SLC23A2: variants seen among roughly 807,000 people sequenced by gnomAD.
SLC23A2 encodes the protein Na(+)/L-ascorbic acid transporter 2.
SLC23A2 carries 36 observed loss-of-function variants against 73.3 expected under a neutral mutation model. That is an observed-to-expected ratio of 0.49 (90% confidence interval 0.38 to 0.65). The LOEUF is 0.65. SLC23A2 is among the 30% of genes least tolerant of loss of function. The pLI, the probability that SLC23A2 is intolerant of heterozygous loss-of-function variation, is 0.00. For missense variants in SLC23A2, 507 were observed against 841.6 expected (o/e 0.60, Z 4.92); for synonymous variants, 343 against 327.3 (o/e 1.05, Z -0.52).
chr20:5,005,517 G>A (rs2088181054), upstream of SLC23A2, among the ~76,000 whole-genome samples: 1 of 152,008 alleles, frequency 6.6e-6, no homozygotes, highest in Non-Finnish European at 1.5e-5. Context: ...ATTTTTGAGA[G>A]GTAATTGTAG....
At chr20:4,897,960 C>T (rs1247432649) in intron 6 of SLC23A2, among the ~76,000 whole-genome samples, 6 of 152,204 alleles carry the variant, frequency 3.9e-5, no homozygotes, top group Non-Finnish European at 5.9e-5. Context: ...GAACATCTCC[C>T]CAGAGAACCA....
At chr20:4,861,320 C>T (rs1355202978) in intron 15 of SLC23A2, among the ~76,000 whole-genome samples, 1 of 152,120 alleles carries the variant, frequency 6.6e-6, no homozygotes, top group Non-Finnish European at 1.5e-5. Flanking sequence ...CAACACTGTA[C>T]TAGATGCCAT....
chr20:4,895,029 T>C (rs1262663445), intron 6 of SLC23A2, among the ~76,000 whole-genome samples: 3 of 152,068 alleles, frequency 2.0e-5, no homozygotes, highest in African/African-American at 7.2e-5. Context: ...ACCCACAACA[T>C]CCAGCGTGAC....
chr20:4,919,662 T>C (rs190365879), intron 3 of SLC23A2, among the ~76,000 whole-genome samples: 5 of 152,286 alleles, frequency 3.3e-5, no homozygotes, highest in Non-Finnish European at 7.4e-5. Flanking sequence ...ACATCTTCCC[T>C]GCTAGGTGAG....
rs1426836018 is a variant in SLC23A2, at chr20:4,947,477, T to C, written c.-154-14761A>G. Among the ~76,000 whole-genome samples, 3 of 152,206 alleles carry C rather than the reference T, an allele frequency of 2.0e-5. No homozygotes were observed. The highest frequency in any genetic ancestry group is 2.9e-5 in the Non-Finnish European group (2 of 68,044). On this transcript the variant is annotated intron_variant, in intron 2 of 16. Transcript: ENST00000338244. This position sits in a 1 kb window ranked among gnomAD's most constrained non-coding sequence, Gnocchi z 4.4. ...AACACTATTTAAAATGTATTAATCATCAGTCATCACAGGAGCCACTGAAAA... is the reference window on the plus strand; with the variant it reads ...AACACTATTTAAAATGTATTAATCACCAGTCATCACAGGAGCCACTGAAAA...
intron 2 of SLC23A2, among the ~76,000 whole-genome samples, chr20:4,955,909 G>A (rs887957035): frequency 6.6e-6 from 1 of 151,018 alleles, no homozygotes; most frequent in Admixed American, 6.6e-5. Flanking sequence ...TAGGGGTTAC[G>A]GGTGTTTCTT....
At chr20:4,983,363 C>G (rs375751230) in intron 1 of SLC23A2, among the ~76,000 whole-genome samples, 2 of 151,832 alleles carry the variant, frequency 1.3e-5, no homozygotes, top group Admixed American at 6.6e-5. Flanking sequence ...AAGACACAAG[C>G]AGGCTGGGCG....
chr20:5,006,757 TCTC>T (rs1390639713), intron 1 of SLC23A2, among the ~76,000 whole-genome samples: 18 of 151,906 alleles, frequency 1.2e-4, no homozygotes, highest in African/African-American at 4.1e-4. Context: ...GCCAGGCTGG[TCTC>T]AAACTCCTGG....
chr20:4,947,058 C>T lies in SLC23A2; in HGVS notation c.-154-14342G>A, dbSNP rs948213854. Among the ~76,000 whole-genome samples, 25 of 152,182 alleles carry T rather than the reference C, an allele frequency of 1.6e-4. No homozygotes were observed. Among genetic ancestry groups the T allele is most frequent in the African/African-American group, 6.0e-4 (25 of 41,436 alleles). On this transcript the variant is annotated intron_variant, in intron 2 of 16. Coordinates refer to ENST00000338244, the MANE Select transcript of SLC23A2 (RefSeq NM_005116.6). The surrounding 1 kb of genome is among the most constrained non-coding windows in gnomAD (Gnocchi z 4.4). ...TGCCAGGTGCTGCCCACACTGCCCA[C>T]GCTGACCTCCAGAGTTCCCAGGTCT...
intron 3 of SLC23A2, among the ~76,000 whole-genome samples, chr20:4,922,835 A>C (rs910210427): frequency 1.5e-5 from 2 of 136,628 alleles, no homozygotes; most frequent in African/African-American, 2.5e-5. Flanking sequence ...GTCTTTAAAA[A>C]AAAAAAAGCA....
At chr20:5,004,477 C>T (rs2088167968), upstream of SLC23A2, among the ~76,000 whole-genome samples, 3 of 152,158 alleles carry the variant, frequency 2.0e-5, no homozygotes, top group Non-Finnish European at 2.9e-5. Context: ...TGAAACTATC[C>T]TTGTTATCAT....
rs935945036 is a variant in SLC23A2, at chr20:4,932,598, G to C, written c.-36C>G. On this transcript the variant is annotated 5_prime_UTR_variant, in exon 3 of 17. Transcript: ENST00000338244. ...GAGTAGTTTACACAGCCGTTGGGGA[G>C]AGCAGCTGGAAGTGAAGGCTTATTC... 2 of 1,148,480 alleles carry C rather than the reference G, an allele frequency of 1.7e-6. No homozygotes were observed. Among genetic ancestry groups the C allele is most frequent in the Non-Finnish European group, 2.6e-6 (2 of 754,892 alleles). The allele number at this position is 1,148,480 out of a possible 1,614,324, so 71.1% of individuals were successfully genotyped here. A position where few individuals can be genotyped will look rare whatever the true frequency, so the allele number is the denominator to read the frequency against.
Position 4,867,465 on chromosome 20 carries a change from C to T in SLC23A2, c.1356+305G>A, listed in dbSNP as rs569232173. 7.2e-5 allele frequency among the ~76,000 whole-genome samples: 11 copies of T among 152,266 alleles called. No individual in the cohort carries two copies. The South Asian group carries it at 2.3e-3, about 32-fold the overall frequency. On this transcript the variant is annotated intron_variant, in intron 13 of 16. Coordinates refer to ENST00000338244, the MANE Select transcript of SLC23A2 (RefSeq NM_005116.6). ...GTTGATTGCTAGAATGTAAACTCCACTTTTTAATTCACTGATGTATCCCAA... is the reference window on the plus strand; with the variant it reads ...GTTGATTGCTAGAATGTAAACTCCATTTTTTAATTCACTGATGTATCCCAA...
At chr20:4,896,821 T>C (rs946093576) in intron 6 of SLC23A2, among the ~76,000 whole-genome samples, 1 of 152,216 alleles carries the variant, frequency 6.6e-6, no homozygotes, top group Non-Finnish European at 1.5e-5. Flanking sequence ...AACAAAGCCA[T>C]TGAATGCTCC....
At chr20:4,897,799 G>A (rs1032900660) in intron 6 of SLC23A2, among the ~76,000 whole-genome samples, 3 of 152,158 alleles carry the variant, frequency 2.0e-5, no homozygotes, top group Non-Finnish European at 4.4e-5. Context: ...ATGAGCTGGG[G>A]CAGAGCTGCA....
At chr20:4,859,722 G>A (rs952632301) in intron 15 of SLC23A2, among the ~76,000 whole-genome samples, 1 of 152,114 alleles carries the variant, frequency 6.6e-6, no homozygotes, top group Non-Finnish European at 1.5e-5. Context: ...AAAAAAAATG[G>A]TAGTCATAAG....
intron 1 of SLC23A2, among the ~76,000 whole-genome samples, chr20:4,999,240 G>A (rs4815759): frequency 0.32 from 49,380 of 151,990 alleles, 8,796 homozygotes; most frequent in Admixed American, 0.4. Flanking sequence ...TAGCCAATTC[G>A]GGATTTCAAA....
rs761823450 is a variant in SLC23A2, at chr20:4,859,241, T to C, written c.1720+48A>G. On this transcript the variant is annotated intron_variant, in intron 16 of 16. Transcript: ENST00000338244. ...TATTTGGCAAAAAAAGTAACACATA[T>C]GTTAAAAAATAAAAAAAAAAAAAGT... is the stretch of plus-strand genomic sequence containing the variant. 1.3e-5 allele frequency: 14 copies of C among 1,063,290 alleles called. No homozygotes were observed. In the Middle Eastern group the frequency reaches 6.3e-4, roughly 48 times the overall value. The allele number at this position is 1,063,290 out of a possible 1,614,324, so 65.9% of individuals were successfully genotyped here.
At chr20:4,866,524 G>A (rs866410598) in intron 13 of SLC23A2, among the ~76,000 whole-genome samples, 6 of 152,176 alleles carry the variant, frequency 3.9e-5, no homozygotes, top group Admixed American at 3.3e-4. Context: ...CCAGGATGGC[G>A]CTAGAGGAAG....
Sources: allele counts gnomAD v4.1 joint callset (sites outside exome capture counted in the v4.1 genomes callset), GRCh38; gene constraint gnomAD v4.1.1; non-coding constraint Gnocchi (gnomAD v3.1); transcripts MANE v1.5; gene names NCBI Gene and HGNC (gene_info 2026-07-23, HGNC 2026-07-21).